The following JAKMIP3 variants were observed in gnomAD, a reference collection of about 807,000 sequenced individuals.
JAKMIP3 encodes Janus kinase and microtubule interacting protein 3.
In JAKMIP3, 58 loss-of-function variants were observed where a neutral mutation model predicts 118.5. That is an observed-to-expected ratio of 0.49 (90% CI 0.40 to 0.61). The LOEUF is 0.61. Ranked by LOEUF, JAKMIP3 falls within the 20% of genes least tolerant of loss-of-function variation. JAKMIP3 has a pLI of 0.00. For synonymous variants in JAKMIP3, 486 were observed against 451.2 expected (o/e 1.08, Z -0.98); for missense variants, 950 against 1,109.0 (o/e 0.86, Z 2.04).
chr10:132,159,827 C>A (rs1370001429), intron 19 of JAKMIP3, among the ~76,000 whole-genome samples: 1 of 42,954 alleles, frequency 2.3e-5, no homozygotes, highest in Non-Finnish European at 3.6e-5. Flanking sequence ...GCTGGGGGGC[C>A]TCTCCCTGTG....
Position 132,153,818 on chromosome 10 carries a change from G to A in JAKMIP3, c.2133G>A (p.Glu711=), listed in dbSNP as rs2056645641. 1 of 1,613,164 alleles carries A rather than the reference G, an allele frequency of 6.2e-7. No homozygotes were observed. Among genetic ancestry groups the A allele is most frequent in the Non-Finnish European group, 8.5e-7 (1 of 1,179,862 alleles). Residue 711 remains glutamate (E), a synonymous_variant, in exon 18 of 24, where the codon GAG becomes GAA. Transcript: ENST00000684848. ...TGCAGCGGAAGATGGTGGATCTGGA[G>A]AGCGAGAAGGTTGGTGGCACCTTCA... The part of the protein sequence containing the change: ...AALQRKMVDL[E]SEKELFSKQK...
intron 23 of JAKMIP3, among the ~76,000 whole-genome samples, chr10:132,181,998 C>T (rs532260530): frequency 2.6e-5 from 4 of 152,368 alleles, no homozygotes; most frequent in South Asian, 2.1e-4. Context: ...TTGAACTTAG[C>T]AGAGGCCCAC....
rs1337386486 is a variant in JAKMIP3 at position 132,184,373 on chromosome 10, C to G, written c.*3120C>G. On this transcript the variant is annotated 3_prime_UTR_variant, in exon 24 of 24. Transcript: ENST00000684848. ...CCAAGTGTGGGTTTGGAGGCACTGACGCATTCGCCAACTCACCGTCATCCC... is the reference window on the plus strand; with the variant it reads ...CCAAGTGTGGGTTTGGAGGCACTGAGGCATTCGCCAACTCACCGTCATCCC... 6.6e-6 allele frequency: 1 copy of G among 152,174 alleles called. No homozygotes were observed. Among genetic ancestry groups the G allele is most frequent in the African/African-American group, 2.4e-5 (1 of 41,426 alleles). 9.4% of individuals were successfully genotyped at this position (152,174 alleles called of 1,614,324 possible).
Position 132,049,136 on chromosome 10 carries a change from G to A in JAKMIP3, c.-138+12398G>A, listed in dbSNP as rs2038026003. Among the ~76,000 whole-genome samples, 1 of 152,172 alleles carries A rather than the reference G, an allele frequency of 6.6e-6. No homozygotes were observed. Among genetic ancestry groups the A allele is most frequent in the South Asian group, 2.1e-4 (1 of 4,832 alleles). On this transcript the variant is annotated intron_variant, in intron 1 of 23. Coordinates refer to the JAKMIP3 transcript ENST00000657785. This position sits in a 1 kb window ranked among gnomAD's most constrained non-coding sequence, Gnocchi z 4.3. Reference sequence around the variant, plus strand: ...AGGATTTTATCTTTAGCTCTGAAATGGAATAGTTTCACCAGCATGTCTCAA... The same window carrying A: ...AGGATTTTATCTTTAGCTCTGAAATAGAATAGTTTCACCAGCATGTCTCAA...
intron 19 of JAKMIP3, among the ~76,000 whole-genome samples, chr10:132,155,212 C>G (rs1564975168): frequency 6.7e-6 from 1 of 148,206 alleles, no homozygotes; most frequent in African/African-American, 2.5e-5. Context: ...CAATAGTGAT[C>G]AATGATGATG....
chr10:132,153,136 G>A (rs2056525225), intron 17 of JAKMIP3, 113 bp downstream of exon 17: 2 of 822,054 alleles, frequency 2.4e-6, no homozygotes, highest in Admixed American at 2.1e-5. Flanking sequence ...CGGGTTTGGG[G>A]GGTCCACTAA....
rs1491526249 is a variant in JAKMIP3, at chr10:132,139,248, GTA to G, written c.1344+1072_1344+1073del. 5.4e-3 allele frequency among the ~76,000 whole-genome samples: 665 copies of G among 122,240 alleles called. 25 individuals carry two copies. The highest frequency in any genetic ancestry group is 0.012 in the African/African-American group (324 of 26,750). The allele number at this position is 122,240 out of a possible 152,430, so 80.2% of individuals were successfully genotyped here. On this transcript the variant is annotated intron_variant, in intron 9 of 23. Transcript: ENST00000684848. Reference sequence around the variant, plus strand: ...TGTGAGTGTATATGCATCTGTGTGTGTATGTGTGTGTGTGTATGTGTGTACAT... The same window carrying G: ...TGTGAGTGTATATGCATCTGTGTGTGTGTGTGTGTGTGTATGTGTGTACAT...
chr10:132,142,071 G>A lies in JAKMIP3; in HGVS notation c.1602+23G>A, dbSNP rs199525661. 4.7e-4 allele frequency: 753 copies of A among 1,592,330 alleles called. 2 individuals are homozygous for A. In the African/African-American group the frequency reaches 7.0e-3, roughly 15 times the overall value. ...AAGGTCTACGTGACTTCCACCGCGCGTTCCGGCCCCCCTCGTGCCTTCCCG... is the reference window on the plus strand; with the variant it reads ...AAGGTCTACGTGACTTCCACCGCGCATTCCGGCCCCCCTCGTGCCTTCCCG... On this transcript the variant is annotated intron_variant, in intron 11 of 23. Coordinates refer to ENST00000684848, the MANE Select transcript of JAKMIP3 (RefSeq NM_001323087.2).
Position 132,148,577 on chromosome 10 carries a change from C to T in JAKMIP3, c.1848+527C>T, listed in dbSNP as rs187252484. Among the ~76,000 whole-genome samples, 389 of 152,308 alleles carry T rather than the reference C, an allele frequency of 2.6e-3. 3 individuals carry two copies. The highest frequency in any genetic ancestry group is 2.6e-4 in the Non-Finnish European group (18 of 68,016). ...CAGCTGGTGTGGGGCTCTGTCCAGG[C>T]CTCCGCCGTCGGCAGACGTTTGTTT... On this transcript the variant is annotated intron_variant, in intron 14 of 23. Transcript: ENST00000684848.
At chr10:132,160,475 G>A (rs1310812725) in intron 19 of JAKMIP3, among the ~76,000 whole-genome samples, 4 of 41,090 alleles carry the variant, frequency 9.7e-5, no homozygotes, top group African/African-American at 2.4e-4. Context: ...GATGCTGGGG[G>A]ACCTCTCCCT....
intron 23 of JAKMIP3, among the ~76,000 whole-genome samples, chr10:132,180,728 T>C (rs200119583): frequency 0.032 from 632 of 19,806 alleles, 114 homozygotes; most frequent in African/African-American, 0.078. Context: ...TGCGTGTGTG[T>C]GCGTGTGTGC....
chr10:132,087,889 G>A (rs545368787), intron 1 of JAKMIP3, among the ~76,000 whole-genome samples: 1 of 152,060 alleles, frequency 6.6e-6, no homozygotes, highest in African/African-American at 2.4e-5. Flanking sequence ...CCCGGTGTGT[G>A]ATGTTCCCCT....
rs1290356706 is a variant in JAKMIP3, at chr10:132,182,938, A to G, written c.*1685A>G. 2 of 152,136 alleles carry G rather than the reference A, an allele frequency of 1.3e-5. No individual in the cohort carries two copies. The highest frequency in any genetic ancestry group is 4.8e-5 in the African/African-American group (2 of 41,418). 9.4% of individuals were successfully genotyped at this position (152,136 alleles called of 1,614,324 possible). On this transcript the variant is annotated 3_prime_UTR_variant, in exon 24 of 24. Coordinates refer to ENST00000684848, the MANE Select transcript of JAKMIP3 (RefSeq NM_001323087.2). ...TGCACTATTAATCAGCACTTGTCCA[A>G]GAAAGACCCATCCATTTCTGTTGTC... is the stretch of plus-strand genomic sequence containing the variant.
chr10:132,040,638 CTT>C (rs34272105), intron 1 of JAKMIP3, among the ~76,000 whole-genome samples: 98,726 of 146,258 alleles, frequency 0.68, 33,205 homozygotes, highest in Admixed American at 0.7. Flanking sequence ...TCCCGATGAG[CTT>C]TTTTTTTTTT....
At position 132,184,097 on chromosome 10, in the gene JAKMIP3, CTG is replaced by C. The variant is rs922526997; in HGVS notation, c.*2848_*2849del. 5 of 150,240 alleles carry C rather than the reference CTG, an allele frequency of 3.3e-5. No homozygotes were observed. The highest frequency in any genetic ancestry group is 1.2e-4 in the African/African-American group (5 of 41,294). 9.3% of individuals were successfully genotyped at this position (150,240 alleles called of 1,614,324 possible). ...TACATTATATTAACATCATCACACT[CTG>C]TGTTCAACACACAGAACAACATAGA... is the stretch of plus-strand genomic sequence containing the variant. On this transcript the variant is annotated 3_prime_UTR_variant, in exon 24 of 24. Transcript: ENST00000684848.
chr10:132,104,321 C>T (rs1054014988), intron 1 of JAKMIP3, among the ~76,000 whole-genome samples: 3 of 152,178 alleles, frequency 2.0e-5, no homozygotes, highest in African/African-American at 7.2e-5. Flanking sequence ...GTGCCATTGC[C>T]GCCATGTGGC....
intron 17 of JAKMIP3, 56 bp from the exon 18 acceptor site, chr10:132,153,703 G>T: frequency 6.4e-7 from 1 of 1,556,634 alleles, no homozygotes; most frequent in Non-Finnish European, 8.9e-7. Flanking sequence ...CTGTCTCCAC[G>T]AGCCGGGGTG....
chr10:132,134,623 G>T (rs983941769), intron 4 of JAKMIP3, among the ~76,000 whole-genome samples: 1 of 152,148 alleles, frequency 6.6e-6, no homozygotes. Flanking sequence ...CAGGGGGCGC[G>T]CACCCTCCTG....
chr10:132,170,975 T>G (rs2059431978), intron 23 of JAKMIP3, among the ~76,000 whole-genome samples: 1 of 152,182 alleles, frequency 6.6e-6, no homozygotes, highest in African/African-American at 2.4e-5. Context: ...CCCCAGATGC[T>G]CGTGGAGGGC....
Sources: allele counts gnomAD v4.1 joint callset (sites outside exome capture counted in the v4.1 genomes callset), GRCh38; gene constraint gnomAD v4.1.1; non-coding constraint Gnocchi (gnomAD v3.1); transcripts MANE v1.5; gene names NCBI Gene and HGNC (gene_info 2026-07-23, HGNC 2026-07-21).